Variants in UBE2V1 observed in about 807,000 individuals in gnomAD.
UBE2V1 encodes the protein ubiquitin conjugating enzyme E2 V1.
UBE2V1 carries 15 observed loss-of-function variants against 19.6 expected under a neutral mutation model. The ratio of observed to expected loss-of-function variants is 0.77; its 90% CI spans 0.51 to 1.18. UBE2V1 has a LOEUF of 1.18. UBE2V1 is among the 50% of genes most tolerant of loss of function. The probability of loss-of-function intolerance (pLI) is 0.00; values close to 1 mark genes in which losing one functional copy is unlikely to be tolerated. For missense variants in UBE2V1, 125 were observed against 184.8 expected (o/e 0.68, Z 1.88); for synonymous variants, 60 against 60.7 (o/e 0.99, Z 0.05).
intron 2 of UBE2V1, among the ~76,000 whole-genome samples, chr20:50,086,816 G>A (rs981231344): frequency 6.6e-6 from 1 of 152,194 alleles, no homozygotes; most frequent in African/African-American, 2.4e-5. Context: ...GCTGGCTCAC[G>A]CCTGTAATCC....
chr20:50,113,155 GC>G (rs2080887909), upstream of UBE2V1: 3 of 1,326,024 alleles, frequency 2.3e-6, no homozygotes, highest in East Asian at 3.0e-5. Flanking sequence ...TTGAAGGCCG[GC>G]CCCTTCTTCA....
upstream of UBE2V1, chr20:50,113,293 G>A (rs1189883576): frequency 8.4e-6 from 4 of 475,198 alleles, no homozygotes; most frequent in African/African-American, 8.0e-5. Context: ...TTCCCTTTTA[G>A]AGAAAGGAAA....
chr20:50,114,085 A>C (rs941912097), upstream of UBE2V1, among the ~76,000 whole-genome samples: 4 of 152,204 alleles, frequency 2.6e-5, no homozygotes, highest in African/African-American at 9.7e-5. Flanking sequence ...GCTTGTGCAA[A>C]GGCCCTTGGG....
chr20:50,094,008 A>AAT (rs2079414320), intron 2 of UBE2V1, among the ~76,000 whole-genome samples: 1 of 124,076 alleles, frequency 8.1e-6, no homozygotes, highest in Admixed American at 8.8e-5. Flanking sequence ...AAAAAAAAAA[A>AAT]AAAATAATAA....
intron 1 of UBE2V1, among the ~76,000 whole-genome samples, chr20:50,106,907 C>T (rs1335577409): frequency 6.6e-6 from 1 of 151,146 alleles, no homozygotes; most frequent in Non-Finnish European, 1.5e-5. Context: ...GGTAGAACCT[C>T]AGAGGTTTCT....
chr20:50,101,571 C>CAAAGAAA (rs2079998540), intron 1 of UBE2V1, among the ~76,000 whole-genome samples: 1 of 71,192 alleles, frequency 1.4e-5, no homozygotes, highest in African/African-American at 4.9e-5. Context: ...CATTTATAAG[C>CAAAGAAA]AAAAAAAAAA....
chr20:50,083,247 C>A (rs1600937642), intron 3 of UBE2V1, among the ~76,000 whole-genome samples: 5 of 152,342 alleles, frequency 3.3e-5, no homozygotes, highest in African/African-American at 1.2e-4. Flanking sequence ...GTCCTCTTCA[C>A]TGCGCCCAGG....
intron 2 of UBE2V1, chr20:50,084,672 G>T: frequency 2.5e-6 from 1 of 394,038 alleles, no homozygotes; most frequent in Admixed American, 3.1e-5. Flanking sequence ...GCACAGAACA[G>T]GTCACTGCTT....
In UBE2V1 at chr20:50,108,373, G is replaced by A. The variant is rs551028994; in HGVS notation, c.22+4734C>T. 5.9e-5 allele frequency among the ~76,000 whole-genome samples: 9 copies of A among 152,318 alleles called. No individual in the cohort carries two copies. The South Asian group carries it at 1.9e-3, about 32-fold the overall frequency. ...TGAGAGGTCACTGCCATCTACCCAT[G>A]AATAAGCTAATCAGCCAAGGCAGAA... On this transcript the variant is annotated intron_variant, in intron 1 of 3. Transcript: ENST00000371674.
At chr20:50,098,106 T>A (rs2079748550) in intron 1 of UBE2V1, among the ~76,000 whole-genome samples, 1 of 152,140 alleles carries the variant, frequency 6.6e-6, no homozygotes, top group Admixed American at 6.5e-5. Flanking sequence ...GCTATACTTT[T>A]AAATGGAGGG....
intron 1 of UBE2V1, among the ~76,000 whole-genome samples, chr20:50,109,747 C>CAAAA (rs11468343): frequency 1.1e-5 from 1 of 89,588 alleles, no homozygotes; most frequent in Non-Finnish European, 2.3e-5. Flanking sequence ...AACTCCGTCT[C>CAAAA]AAAAAAAAAA....
intron 2 of UBE2V1, among the ~76,000 whole-genome samples, chr20:50,089,555 T>C (rs1314177125): frequency 1.3e-5 from 2 of 152,176 alleles, no homozygotes; most frequent in Non-Finnish European, 2.9e-5. Flanking sequence ...AAAAGTGTAG[T>C]GTGCAGAGTC....
chr20:50,106,713 G>A (rs148380493), intron 1 of UBE2V1, among the ~76,000 whole-genome samples: 33 of 139,008 alleles, frequency 2.4e-4, no homozygotes, highest in Non-Finnish European at 5.0e-4. Flanking sequence ...GCCTGTAATC[G>A]AGCTACTCAG....
At chr20:50,106,300 T>C (rs1052276190) in intron 1 of UBE2V1, among the ~76,000 whole-genome samples, 3 of 152,210 alleles carry the variant, frequency 2.0e-5, no homozygotes, top group African/African-American at 4.8e-5. Context: ...TGCAGGATAT[T>C]ACAAAGAAAA....
At position 50,082,867 on chromosome 20, in the gene UBE2V1, A is replaced by G. The variant is rs1233947009; in HGVS notation, c.345T>C (p.Tyr115=). 11 of 1,612,528 alleles carry G rather than the reference A, an allele frequency of 6.8e-6. No individual in the cohort carries two copies. The highest frequency in any genetic ancestry group is 9.3e-6 in the Non-Finnish European group (11 of 1,179,860). The part of the protein sequence containing the change: ...ISVLAKWQNS[Y]SIKVVLQELR... Reference sequence around the variant, plus strand: ...GCTCTTGCAGGACAACTTTGATGCTATATGAATTCTGCCATTTTGCTAGCA... The same window carrying G: ...GCTCTTGCAGGACAACTTTGATGCTGTATGAATTCTGCCATTTTGCTAGCA... Residue 115 remains tyrosine, a synonymous_variant, in exon 4 of 4, where the codon TAT becomes TAC. Coordinates refer to ENST00000371674, the MANE Select transcript of UBE2V1 (RefSeq NM_001032288.3).
At chr20:50,093,336 G>A (rs962914354) in intron 2 of UBE2V1, among the ~76,000 whole-genome samples, 5 of 152,230 alleles carry the variant, frequency 3.3e-5, no homozygotes, top group South Asian at 2.1e-4. Context: ...ATAGGGAGAT[G>A]AGTTACTCAA....
chr20:50,096,583 CT>C, intron 2 of UBE2V1, 88 bp downstream of exon 2: 2 of 1,605,642 alleles, frequency 1.2e-6, no homozygotes, highest in East Asian at 2.2e-5. Flanking sequence ...CATTGGTGAG[CT>C]TTTTTTCCGT....
intron 2 of UBE2V1, among the ~76,000 whole-genome samples, chr20:50,087,766 A>G (rs1471850824): frequency 6.6e-6 from 1 of 152,180 alleles, no homozygotes; most frequent in African/African-American, 2.4e-5. Flanking sequence ...AATAGCAAAA[A>G]TAACTACAAT....
In UBE2V1 at chr20:50,082,523, T is replaced by TC. The variant is rs2078686258; in HGVS notation, c.*244dup. 1 of 585,464 alleles carries TC rather than the reference T, an allele frequency of 1.7e-6. No homozygotes were observed. The highest frequency in any genetic ancestry group is 3.8e-5 in the Admixed American group (1 of 26,072). 36.3% of individuals were successfully genotyped at this position (585,464 alleles called of 1,614,324 possible). A position where few individuals can be genotyped will look rare whatever the true frequency, so the allele number is the denominator to read the frequency against. ...AATAGACTTTCTTGATCCCAGAAGTTCAACTACGTGGACAGTGGTTACACT... is the reference window on the plus strand; with the variant it reads ...AATAGACTTTCTTGATCCCAGAAGTTCCAACTACGTGGACAGTGGTTACACT... On this transcript the variant is annotated 3_prime_UTR_variant, in exon 4 of 4. Coordinates refer to ENST00000371674, the MANE Select transcript of UBE2V1 (RefSeq NM_001032288.3).
Sources: gnomAD v4.1 joint callset for allele counts (sites outside exome capture counted in the v4.1 genomes callset) on GRCh38, gnomAD v4.1.1 for gene constraint, MANE v1.5 for transcripts, NCBI Gene and HGNC (gene_info 2026-07-23, HGNC 2026-07-21) for gene names.